The following GRM5 variants were observed in gnomAD, a reference collection of about 807,000 sequenced individuals.
The protein encoded by GRM5 is glutamate metabotropic receptor 5.
A neutral mutation model predicts 83.1 loss-of-function variants in GRM5; 19 were observed. The observed-to-expected ratio is 0.23, with a 90% CI of 0.16 to 0.34. The LOEUF (loss-of-function observed/expected upper bound fraction) is 0.34. GRM5 is among the 10% of genes least tolerant of loss of function. The pLI is 1.00. For missense variants in GRM5, 1,160 were observed against 1,588.3 expected, an observed-to-expected ratio of 0.73 and a Z score of 4.58; for synonymous variants, 675 against 633.6, an observed-to-expected ratio of 1.07 and a Z score of -0.98.
intron 2 of GRM5, among the ~76,000 whole-genome samples, chr11:88,940,625 G>GA (rs1423875423): frequency 1.3e-5 from 2 of 151,220 alleles, no homozygotes; most frequent in Non-Finnish European, 3.0e-5. Flanking sequence ...TAAACATATG[G>GA]AAAAAATAAT....
intron 8 of GRM5, among the ~76,000 whole-genome samples, chr11:88,557,173 T>G (rs1942650005): frequency 6.6e-6 from 1 of 152,146 alleles, no homozygotes; most frequent in Admixed American, 6.6e-5. Context: ...TGTGCTTCCG[T>G]TACTAATTTT....
intron 3 of GRM5, among the ~76,000 whole-genome samples, chr11:88,732,505 G>C (rs1330893309): frequency 6.6e-6 from 1 of 152,028 alleles, no homozygotes; most frequent in Non-Finnish European, 1.5e-5. Context: ...ATGTTATCTT[G>C]TCACACCTTC....
intron 2 of GRM5, among the ~76,000 whole-genome samples, chr11:89,036,266 C>G (rs927525779): frequency 2.0e-5 from 3 of 151,928 alleles, no homozygotes; most frequent in African/African-American, 7.2e-5. Context: ...GTACTTATGC[C>G]AAAGCAATAA....
At chr11:89,060,737 T>C (rs1299112248) in intron 1 of GRM5, among the ~76,000 whole-genome samples, 1 of 152,156 alleles carries the variant, frequency 6.6e-6, no homozygotes, top group East Asian at 1.9e-4. Context: ...AGCAAACCTA[T>C]GCCTTAATGT....
chr11:88,678,705 A>G (rs891648525), intron 3 of GRM5, among the ~76,000 whole-genome samples: 13 of 152,300 alleles, frequency 8.5e-5, no homozygotes, highest in Admixed American at 4.6e-4. Context: ...CACAATGGAA[A>G]GAAATATAAT....
intron 3 of GRM5, among the ~76,000 whole-genome samples, chr11:88,776,594 G>A (rs916869984): frequency 2.0e-4 from 31 of 152,298 alleles, no homozygotes; most frequent in African/African-American, 7.0e-4. Context: ...TTCTTTCCAT[G>A]TTTAGTGCTT....
rs113622487 is a variant in GRM5 at position 88,541,005 on chromosome 11, T to C, written c.2631-15601A>G. 2.0e-3 allele frequency among the ~76,000 whole-genome samples: 299 copies of C among 152,120 alleles called. 1 individual carries two copies. Among genetic ancestry groups the C allele is most frequent in the African/African-American group, 3.3e-3 (138 of 41,510 alleles). On this transcript the variant is annotated intron_variant, in intron 8 of 9. Transcript: ENST00000305447. ...GACCTTGTGATCCGCCCGCCTCGGC[T>C]TCCCAAAGTGCTGGAATTACAGGCG...
intron 3 of GRM5, among the ~76,000 whole-genome samples, chr11:88,666,869 G>A (rs750298432): frequency 6.6e-6 from 1 of 152,100 alleles, no homozygotes; most frequent in Non-Finnish European, 1.5e-5. Flanking sequence ...TATACATGTT[G>A]TCTATCATTT....
In GRM5 at chr11:88,581,752, A is replaced by C. The variant is rs528883684; in HGVS notation, c.1690+8849T>G. Among the ~76,000 whole-genome samples, 7 of 152,304 alleles carry C rather than the reference A, an allele frequency of 4.6e-5. 1 individual carries two copies. Among genetic ancestry groups the C allele is most frequent in the Middle Eastern group, 6.8e-3 (2 of 294 alleles). On this transcript the variant is annotated intron_variant, in intron 7 of 9. Transcript: ENST00000305447. Reference sequence around the variant, plus strand: ...TGGTATTTAGGAAAGGATAGTTCCCATAATAGAGGCTTTGATGAAAAAGCG... The same window carrying C: ...TGGTATTTAGGAAAGGATAGTTCCCCTAATAGAGGCTTTGATGAAAAAGCG...
chr11:88,801,528 A>G (rs1943393928), intron 3 of GRM5, among the ~76,000 whole-genome samples: 1 of 152,168 alleles, frequency 6.6e-6, no homozygotes, highest in Non-Finnish European at 1.5e-5. Context: ...TATTTGAGAC[A>G]AATATATCTA....
intron 3 of GRM5, among the ~76,000 whole-genome samples, chr11:88,753,632 T>A (rs1364901761): frequency 1.3e-5 from 2 of 152,172 alleles, no homozygotes; most frequent in Non-Finnish European, 2.9e-5. Context: ...CATATATTCA[T>A]TGAAGCACTA....
rs896951842 is a variant in GRM5 at position 88,847,706 on chromosome 11, A to G, written c.911+2200T>C. Among the ~76,000 whole-genome samples, 19 of 152,322 alleles carry G rather than the reference A, an allele frequency of 1.2e-4. 1 individual carries two copies. Among genetic ancestry groups the G allele is most frequent in the Non-Finnish European group, 2.2e-4 (15 of 68,016 alleles). On this transcript the variant is annotated intron_variant, in intron 3 of 9. Coordinates refer to ENST00000305447, the MANE Select transcript of GRM5 (RefSeq NM_001143831.3). ...ATGAAATGAACTGATGTTCAAGTAA[A>G]TGTCAAATTACTAAATAGCCAGTTA...
At chr11:88,924,956 T>A (rs547391220) in intron 2 of GRM5, among the ~76,000 whole-genome samples, 93 of 152,070 alleles carry the variant, frequency 6.1e-4, no homozygotes, top group Non-Finnish European at 9.6e-4. Flanking sequence ...AAAATAAATT[T>A]AAAAAAATCA....
intron 3 of GRM5, among the ~76,000 whole-genome samples, chr11:88,692,546 T>C (rs897958964): frequency 2.0e-5 from 3 of 152,196 alleles, no homozygotes; most frequent in African/African-American, 7.2e-5. Flanking sequence ...TCACTTAGTC[T>C]CTCATCTGTA....
chr11:89,059,050 T>C (rs1941936311), intron 1 of GRM5, among the ~76,000 whole-genome samples: 1 of 152,180 alleles, frequency 6.6e-6, no homozygotes, highest in Admixed American at 6.5e-5. Flanking sequence ...ATATAATGAA[T>C]GTAAGAAGGT....
intron 2 of GRM5, among the ~76,000 whole-genome samples, chr11:88,897,956 C>T (rs759239452): frequency 3.3e-5 from 5 of 151,908 alleles, no homozygotes; most frequent in Non-Finnish European, 5.9e-5. Context: ...TTTCCTTGGG[C>T]GCTATAACAA....
At chr11:88,849,586 T>C (rs1242479440) in intron 3 of GRM5, among the ~76,000 whole-genome samples, 1 of 152,208 alleles carries the variant, frequency 6.6e-6, no homozygotes, top group Non-Finnish European at 1.5e-5. Flanking sequence ...AAAGCAACTA[T>C]GAGTTTGAGT....
At chr11:88,731,761 G>T (rs1941813357) in intron 3 of GRM5, among the ~76,000 whole-genome samples, 1 of 151,930 alleles carries the variant, frequency 6.6e-6, no homozygotes, top group East Asian at 1.9e-4. Context: ...TGTCAGATTT[G>T]CTCAAGAGTA....
At chr11:88,668,834 C>A (rs1565179437) in intron 3 of GRM5, among the ~76,000 whole-genome samples, 2 of 152,132 alleles carry the variant, frequency 1.3e-5, no homozygotes, top group African/African-American at 4.8e-5. Context: ...CCCTGGCAAC[C>A]ACAATTCAGT....
Sources: gnomAD v4.1 joint callset for allele counts (sites outside exome capture counted in the v4.1 genomes callset) on GRCh38, gnomAD v4.1.1 for gene constraint, MANE v1.5 for transcripts, NCBI Gene and HGNC (gene_info 2026-07-23, HGNC 2026-07-21) for gene names.